The following AHCTF1 variants were observed in gnomAD, a reference collection of about 807,000 sequenced individuals.
The protein encoded by AHCTF1 is AT-hook containing transcription factor 1.
AHCTF1 carries 24 observed loss-of-function variants against 248.4 expected under a neutral mutation model. The observed-to-expected ratio is 0.10, with a 90% CI of 0.07 to 0.14. The LOEUF (loss-of-function observed/expected upper bound fraction) is 0.14, where lower values mean the gene tolerates loss of function less well. Among genes scored for constraint, AHCTF1 ranks in the 10% least tolerant of loss-of-function variants. AHCTF1 has a pLI of 1.00. For missense variants in AHCTF1, 2,206 were observed against 2,636.2 expected (o/e 0.84, Z 3.57); for synonymous variants, 786 against 929.8 (o/e 0.85, Z 2.81).
chr1:246,904,269 T>C (rs1665226674), intron 6 of AHCTF1, among the ~76,000 whole-genome samples: 1 of 152,210 alleles, frequency 6.6e-6, no homozygotes, highest in Non-Finnish European at 1.5e-5. Flanking sequence ...GTAGGAGATA[T>C]CTTATGTAGC....
At chr1:246,910,982 A>C (rs893554034) in intron 4 of AHCTF1, among the ~76,000 whole-genome samples, 1 of 152,240 alleles carries the variant, frequency 6.6e-6, no homozygotes, top group African/African-American at 2.4e-5. Context: ...AGTGAAGCCT[A>C]AACAGTTGTA....
chr1:246,875,801 T>C (rs1157316943), intron 24 of AHCTF1, among the ~76,000 whole-genome samples: 2 of 152,230 alleles, frequency 1.3e-5, no homozygotes, highest in African/African-American at 2.4e-5. Flanking sequence ...ATAATGCTAC[T>C]GCACACTTAG....
intron 21 of AHCTF1, among the ~76,000 whole-genome samples, chr1:246,881,966 C>CA (rs1211980014): frequency 6.6e-6 from 1 of 151,016 alleles, no homozygotes; most frequent in Non-Finnish European, 1.5e-5. Flanking sequence ...AGGCATGAGC[C>CA]ACCGTGCCTG....
chr1:246,917,283 A>C (rs2103226249), intron 2 of AHCTF1, among the ~76,000 whole-genome samples: 2 of 152,314 alleles, frequency 1.3e-5, no homozygotes, highest in Middle Eastern at 6.8e-3. Flanking sequence ...GAGGTGAGTA[A>C]AACAAGAATC....
At chr1:246,861,877 TGA>T (rs748100554) in intron 28 of AHCTF1, 80 bp downstream of exon 28, 39 of 1,190,152 alleles carry the variant, frequency 3.3e-5, no homozygotes, top group Non-Finnish European at 4.5e-5. Context: ...TTTAAAAACT[TGA>T]TTTATCTAAC....
intron 24 of AHCTF1, 57 bp downstream of exon 24, chr1:246,875,980 T>A (rs1258409161): frequency 4.8e-6 from 7 of 1,446,250 alleles, no homozygotes; most frequent in African/African-American, 2.8e-5. Context: ...AGAAAAGTAA[T>A]CATTCAGTAT....
At chr1:246,846,069 T>A (rs1442648147) in intron 33 of AHCTF1, among the ~76,000 whole-genome samples, 3 of 149,342 alleles carry the variant, frequency 2.0e-5, no homozygotes, top group Non-Finnish European at 4.4e-5. Context: ...TGGGTTGAAG[T>A]GGGAATCAAA....
intron 26 of AHCTF1, among the ~76,000 whole-genome samples, chr1:246,866,226 C>T (rs911114098): frequency 6.6e-6 from 1 of 151,974 alleles, no homozygotes; most frequent in African/African-American, 2.4e-5. Context: ...CTTTAAGGGC[C>T]TCAGGCCATT....
At chr1:246,880,139 G>T (rs1663288188) in intron 21 of AHCTF1, among the ~76,000 whole-genome samples, 1 of 152,016 alleles carries the variant, frequency 6.6e-6, no homozygotes, top group Middle Eastern at 3.2e-3. Flanking sequence ...GAAACAGGCA[G>T]TTGGGAATTC....
At position 246,864,890 on chromosome 1, in the gene AHCTF1, G is replaced by C. The variant is rs1190065160; in HGVS notation, c.3348-774C>G. Among the ~76,000 whole-genome samples the C allele has an allele frequency of 3.9e-5, 4 of 101,580 alleles. 1 individual carries two copies. The Admixed American group carries it at 4.1e-4, about 10-fold the overall frequency. 66.6% of individuals were successfully genotyped at this position (101,580 alleles called of 152,430 possible). ...AAAAAAAAAAAAAAAAAAAAAAAAA[G>C]ACTAGACTGACAACCCACACCCACC... is the stretch of plus-strand genomic sequence containing the variant. On this transcript the variant is annotated intron_variant, in intron 26 of 35. Transcript: ENST00000648844.
chr1:246,922,433 G>GC (rs985144660), intron 1 of AHCTF1, among the ~76,000 whole-genome samples: 16 of 141,212 alleles, frequency 1.1e-4, no homozygotes, highest in African/African-American at 4.2e-4. Context: ...TTTTTGGGTT[G>GC]TTTTTTTTTT....
intron 24 of AHCTF1, among the ~76,000 whole-genome samples, chr1:246,873,918 A>T (rs1662769056): frequency 6.6e-6 from 1 of 152,192 alleles, no homozygotes; most frequent in Admixed American, 6.5e-5. Context: ...TAGGTGAAAC[A>T]TACATACAGG....
At position 246,840,821 on chromosome 1, in the gene AHCTF1, G is replaced by C. The variant is rs1301943941; in HGVS notation, c.6786C>G (p.Arg2262=). ...TCCCAAGAAATTACAGCATTTTTCT[G>C]CGTAAAATTTGCTTTGGATAGGAAG... The part of the protein sequence containing the change: ...KLSSYPKQIL[R]RKML The change falls in exon 36 of 36, where the codon CGC becomes CGG. Residue 2262 remains arginine, a synonymous_variant. Coordinates refer to ENST00000648844, the MANE Select transcript of AHCTF1 (RefSeq NM_001323342.2). 1 of 1,598,524 alleles carries C rather than the reference G, an allele frequency of 6.3e-7. No individual in the cohort carries two copies. The highest frequency in any genetic ancestry group is 1.1e-5 in the South Asian group (1 of 87,370).
chr1:246,917,090 A>G (rs2103225726), intron 2 of AHCTF1, among the ~76,000 whole-genome samples: 1 of 152,292 alleles, frequency 6.6e-6, no homozygotes, highest in Middle Eastern at 3.4e-3. Context: ...TATCTGATTT[A>G]TGCATGTTTT....
At chr1:246,868,686 T>C (rs1012944082) in intron 24 of AHCTF1, among the ~76,000 whole-genome samples, 7 of 151,766 alleles carry the variant, frequency 4.6e-5, no homozygotes, top group African/African-American at 1.5e-4. Flanking sequence ...AAATAGGAGT[T>C]CTTTCATTAT....
At chr1:246,883,041 T>C (rs1663565243) in intron 21 of AHCTF1, among the ~76,000 whole-genome samples, 1 of 152,246 alleles carries the variant, frequency 6.6e-6, no homozygotes, top group African/African-American at 2.4e-5. Flanking sequence ...TCAATAACAT[T>C]ATTTGTAAGG....
chr1:246,869,086 C>G (rs113656994), intron 24 of AHCTF1, among the ~76,000 whole-genome samples: 1 of 151,088 alleles, frequency 6.6e-6, no homozygotes, highest in African/African-American at 2.5e-5. Flanking sequence ...CCTCGTGATC[C>G]GCCCGCCTTG....
chr1:246,877,079 T>A lies in AHCTF1; in HGVS notation c.2808A>T (p.Glu936Asp), dbSNP rs1202341581. The A allele has an allele frequency of 6.2e-7, 1 of 1,612,218 alleles. No homozygotes were observed. Among genetic ancestry groups the A allele is most frequent in the African/African-American group, 1.3e-5 (1 of 74,984 alleles). The change falls in exon 23 of 36, where the codon GAA becomes GAT. Residue 936 changes from glutamate (E) to aspartate (D), a missense_variant and splice_region_variant. Glu to Asp is a conservative substitution (Grantham distance 45, BLOSUM62 2). Coordinates refer to ENST00000648844, the MANE Select transcript of AHCTF1 (RefSeq NM_001323342.2). Reference protein sequence around the residue: ...LKLPFTDTEQECLVKFLQSSA... With the variant: ...LKLPFTDTEQDCLVKFLQSSA... ...TGGACTGCAAAAATTTCACTAAACATTCCTAAAAAGAACAAAATAGATTGT... is the reference window on the plus strand; with the variant it reads ...TGGACTGCAAAAATTTCACTAAACAATCCTAAAAAGAACAAAATAGATTGT...
At position 246,849,722 on chromosome 1, in the gene AHCTF1, C is replaced by T. The variant is rs144318625; in HGVS notation, c.6284G>A (p.Arg2095His). 180 of 1,613,972 alleles carry T rather than the reference C, an allele frequency of 1.1e-4. No homozygotes were observed. In the East Asian group the frequency reaches 1.2e-3, roughly 11 times the overall value. The change falls in exon 33 of 36, where the codon CGC becomes CAC. Residue 2095 changes from arginine to histidine, a missense_variant. Arg to His is a conservative substitution (Grantham distance 29, BLOSUM62 0). Coordinates refer to ENST00000648844, the MANE Select transcript of AHCTF1 (RefSeq NM_001323342.2). ...LATASFTKSS[R>H]SSRTRSSKAI... is the part of the protein sequence containing the mutation. The stretch of plus-strand genomic sequence containing the variant: ...CTTGCTAGACCGAGTCCTGCTGCTG[C>T]GGGATGATTTAGTGAAGGAAGCTGT...
Sources: gnomAD v4.1 joint callset for allele counts (sites outside exome capture counted in the v4.1 genomes callset) on GRCh38, gnomAD v4.1.1 for gene constraint, MANE v1.5 for transcripts, NCBI Gene and HGNC (gene_info 2026-07-23, HGNC 2026-07-21) for gene names.